The following STK39 variants were observed in gnomAD, a reference collection of about 807,000 sequenced individuals.
STK39 encodes serine/threonine kinase 39.
In STK39, 20 loss-of-function variants were observed where a neutral mutation model predicts 77.8. The observed-to-expected ratio is 0.26, with a 90% CI of 0.18 to 0.37. STK39 has a LOEUF of 0.37. STK39 is among the 10% of genes least tolerant of loss of function. The pLI, the probability that STK39 is intolerant of heterozygous loss-of-function variation, is 1.00. For missense variants in STK39, 479 were observed against 656.5 expected (o/e 0.73, Z 2.95); for synonymous variants, 246 against 234.1 (o/e 1.05, Z -0.47).
intron 2 of STK39, among the ~76,000 whole-genome samples, chr2:168,170,265 C>T (rs1402218641): frequency 6.6e-6 from 1 of 152,190 alleles, no homozygotes; most frequent in Non-Finnish European, 1.5e-5. Flanking sequence ...CTCCTAATGC[C>T]CTAACCGCAT....
At chr2:167,999,636 G>A (rs1683942913) in intron 16 of STK39, among the ~76,000 whole-genome samples, 1 of 151,852 alleles carries the variant, frequency 6.6e-6, no homozygotes, top group Admixed American at 6.6e-5. Flanking sequence ...TAATTTTTTT[G>A]TATTTTTAGC....
At chr2:168,111,913 C>T (rs1355837912) in intron 10 of STK39, among the ~76,000 whole-genome samples, 4 of 152,110 alleles carry the variant, frequency 2.6e-5, no homozygotes, top group Admixed American at 2.6e-4. Context: ...AAGCTTGAAA[C>T]ACATCTGGCC....
In STK39 at chr2:168,024,229, G is replaced by A. The variant is rs186429229; in HGVS notation, c.1377-7134C>T. ...TACTTCTGCTTCACACGAGGAGGCC[G>A]CCTGGGGCAGGATGAGGAGATAATG... is the stretch of plus-strand genomic sequence containing the variant. On this transcript the variant is annotated intron_variant, in intron 14 of 17. Transcript: ENST00000355999. 7.2e-5 allele frequency among the ~76,000 whole-genome samples: 11 copies of A among 152,328 alleles called. No individual in the cohort carries two copies. The East Asian group carries it at 2.1e-3, about 29-fold the overall frequency.
At chr2:168,034,920 CA>C (rs951102015) in intron 14 of STK39, among the ~76,000 whole-genome samples, 2 of 152,270 alleles carry the variant, frequency 1.3e-5, no homozygotes, top group East Asian at 1.9e-4. Context: ...TGCATCTCAG[CA>C]ATAGTGACCT....
intron 14 of STK39, among the ~76,000 whole-genome samples, chr2:168,055,897 C>T (rs997124244): frequency 2.0e-5 from 3 of 152,124 alleles, no homozygotes; most frequent in South Asian, 4.1e-4. Context: ...CAAGGTGGCC[C>T]ACTTGGTATT....
intron 8 of STK39, among the ~76,000 whole-genome samples, chr2:168,133,064 G>A (rs890479555): frequency 2.6e-5 from 4 of 152,108 alleles, no homozygotes; most frequent in East Asian, 1.9e-4. Flanking sequence ...AAGTGCCAAC[G>A]TAAGGAGGCA....
intron 10 of STK39, among the ~76,000 whole-genome samples, chr2:168,099,980 T>G (rs1686777497): frequency 6.6e-6 from 1 of 152,124 alleles, no homozygotes; most frequent in African/African-American, 2.4e-5. Context: ...AGTGGAACAA[T>G]TTGAAAGTCA....
At chr2:168,064,854 A>G (rs1242678817) in intron 13 of STK39, among the ~76,000 whole-genome samples, 2 of 152,224 alleles carry the variant, frequency 1.3e-5, no homozygotes, top group East Asian at 3.8e-4. Context: ...CTTCTGTCCC[A>G]TAACTTTAAT....
At chr2:167,975,611 C>A (rs986478317) in intron 16 of STK39, among the ~76,000 whole-genome samples, 1 of 152,178 alleles carries the variant, frequency 6.6e-6, no homozygotes, top group East Asian at 1.9e-4. Flanking sequence ...GTCAGGAGAT[C>A]GAGACCATCC....
chr2:167,955,491 A>G lies in STK39; in HGVS notation c.*5T>C. The G allele has an allele frequency of 6.2e-7, 1 of 1,613,772 alleles. No individual in the cohort carries two copies. Among genetic ancestry groups the G allele is most frequent in the Non-Finnish European group, 8.5e-7 (1 of 1,179,844 alleles). ...ACAGATCAGGGTGACATCAAGGGAC[A>G]TACATCAGCTGACACTCAACTGAGC... On this transcript the variant is annotated 3_prime_UTR_variant, in exon 18 of 18. Transcript: ENST00000355999.
intron 1 of STK39, among the ~76,000 whole-genome samples, chr2:168,237,912 C>G (rs932626488): frequency 6.6e-6 from 1 of 152,140 alleles, no homozygotes; most frequent in African/African-American, 2.4e-5. Context: ...CCTTTGCTTT[C>G]TTGAGTCACC....
At chr2:168,156,435 A>T (rs1688430822) in intron 5 of STK39, among the ~76,000 whole-genome samples, 1 of 152,212 alleles carries the variant, frequency 6.6e-6, no homozygotes, top group African/African-American at 2.4e-5. Context: ...TCTACACTGC[A>T]GATTCTTCAC....
intron 5 of STK39, among the ~76,000 whole-genome samples, chr2:168,155,124 C>T (rs1480187600): frequency 6.6e-6 from 1 of 152,154 alleles, no homozygotes; most frequent in Non-Finnish European, 1.5e-5. Flanking sequence ...CAACCCTGTC[C>T]CCCCTGCAGC....
intron 14 of STK39, among the ~76,000 whole-genome samples, chr2:168,019,208 T>G (rs903020674): frequency 2.4e-4 from 37 of 152,326 alleles, no homozygotes; most frequent in African/African-American, 8.7e-4. Context: ...TAAAAGAAAG[T>G]AGATACAGCA....
intron 1 of STK39, among the ~76,000 whole-genome samples, chr2:168,242,165 A>G (rs538285171): frequency 3.3e-5 from 5 of 152,290 alleles, no homozygotes; most frequent in East Asian, 1.9e-4. Flanking sequence ...GCACATTTAA[A>G]AGAGTATTTA....
intron 5 of STK39, among the ~76,000 whole-genome samples, chr2:168,142,313 T>C (rs1001448875): frequency 6.6e-6 from 1 of 152,178 alleles, no homozygotes; most frequent in Non-Finnish European, 1.5e-5. Context: ...CTTTGAAAGC[T>C]ACTAATTTCA....
chr2:168,181,490 T>A (rs1689081729), intron 2 of STK39, among the ~76,000 whole-genome samples: 1 of 150,828 alleles, frequency 6.6e-6, no homozygotes, highest in African/African-American at 2.4e-5. Context: ...CTCCTCTCAT[T>A]AGCCAAATGC....
intron 14 of STK39, among the ~76,000 whole-genome samples, chr2:168,054,458 A>G (rs1352225869): frequency 1.3e-5 from 2 of 152,278 alleles, no homozygotes; most frequent in East Asian, 3.8e-4. Context: ...TGCTTGGCAC[A>G]TAGTAGGCAT....
At chr2:168,138,391 A>G (rs1376282577) in intron 7 of STK39, among the ~76,000 whole-genome samples, 170 bp from the exon 8 acceptor site, 2 of 152,228 alleles carry the variant, frequency 1.3e-5, no homozygotes, top group Non-Finnish European at 2.9e-5. Flanking sequence ...TACCACTGCA[A>G]ATGTGTTCAT....
Sources: allele counts gnomAD v4.1 joint callset (sites outside exome capture counted in the v4.1 genomes callset), GRCh38; gene constraint gnomAD v4.1.1; transcripts MANE v1.5; gene names NCBI Gene and HGNC (gene_info 2026-07-23, HGNC 2026-07-21).